MGAT4A: variants seen among roughly 807,000 people sequenced by gnomAD.
MGAT4A encodes the protein alpha-1,3-mannosyl-glycoprotein 4-beta-N-acetylglucosaminyltransferase A.
In MGAT4A, 33 loss-of-function variants were observed where a neutral mutation model predicts 74.1. That is an observed-to-expected ratio of 0.45 (90% CI 0.34 to 0.60). The LOEUF (loss-of-function observed/expected upper bound fraction) is 0.60. MGAT4A is among the 20% of genes least tolerant of loss of function. The pLI, the probability that MGAT4A is intolerant of heterozygous loss-of-function variation, is 0.02. For missense variants in MGAT4A, 479 were observed against 628.3 expected (o/e 0.76, Z 2.54); for synonymous variants, 198 against 210.4 (o/e 0.94, Z 0.51).
chr2:98,636,137 C>T (rs945254212), intron 13 of MGAT4A, among the ~76,000 whole-genome samples: 8 of 151,820 alleles, frequency 5.3e-5, no homozygotes, highest in Admixed American at 3.3e-4. Flanking sequence ...GGATTACAGG[C>T]GCATGCCACG....
At chr2:98,679,054 T>G (rs1019373651) in intron 2 of MGAT4A, among the ~76,000 whole-genome samples, 1 of 152,086 alleles carries the variant, frequency 6.6e-6, no homozygotes, top group Non-Finnish European at 1.5e-5. Flanking sequence ...GGCTCACACG[T>G]GTAATCCCAG....
chr2:98,655,556 C>A, intron 7 of MGAT4A, 36 bp from the exon 8 acceptor site: 1 of 1,425,932 alleles, frequency 7.0e-7, no homozygotes, highest in South Asian at 1.2e-5. Context: ...AGTTAGGAAT[C>A]AGACTCAAAT....
intron 7 of MGAT4A, 51 bp from the exon 8 acceptor site, chr2:98,655,571 T>TAA: frequency 8.0e-7 from 1 of 1,248,932 alleles, no homozygotes; most frequent in Non-Finnish European, 1.2e-6. Context: ...TCAAATTTAG[T>TAA]AAAATAAGAT....
rs193040909 is a variant in MGAT4A at position 98,665,496 on chromosome 2, C to T, written c.404-2317G>A. Among the ~76,000 whole-genome samples the T allele has an allele frequency of 3.8e-3, 585 of 152,268 alleles. 5 individuals carry two copies. Among genetic ancestry groups the T allele is most frequent in the African/African-American group, 0.013 (549 of 41,542 alleles). ...TCTTCCATTTTAGGCAAGAAGAGTT[C>T]TCAAGCACTCAAAAAGATATTTGCT... On this transcript the variant is annotated intron_variant, in intron 4 of 15. Transcript: ENST00000393487.
At chr2:98,654,563 T>C (rs1701631411) in intron 8 of MGAT4A, among the ~76,000 whole-genome samples, 1 of 151,778 alleles carries the variant, frequency 6.6e-6, no homozygotes, top group South Asian at 2.1e-4. Context: ...TACTGTAGTA[T>C]CAAAAAAGAT....
chr2:98,682,867 C>T (rs1702081073), intron 2 of MGAT4A, among the ~76,000 whole-genome samples: 1 of 152,044 alleles, frequency 6.6e-6, no homozygotes, highest in Non-Finnish European at 1.5e-5. Context: ...GGGTGGATCA[C>T]AAGGTCAGGA....
intron 3 of MGAT4A, among the ~76,000 whole-genome samples, chr2:98,675,866 T>C (rs971457014): frequency 1.3e-5 from 2 of 152,248 alleles, no homozygotes; most frequent in Non-Finnish European, 2.9e-5. Context: ...TCACTTTCTT[T>C]ATGCATTACA....
chr2:98,695,776 G>T (rs757135424), intron 2 of MGAT4A, among the ~76,000 whole-genome samples: 11 of 151,890 alleles, frequency 7.2e-5, no homozygotes, highest in Non-Finnish European at 1.0e-4. Context: ...ATTTGTATCT[G>T]GTATTTAATC....
chr2:98,688,163 A>G (rs948206672), intron 2 of MGAT4A, among the ~76,000 whole-genome samples: 1 of 152,098 alleles, frequency 6.6e-6, no homozygotes, highest in African/African-American at 2.4e-5. Flanking sequence ...GAAATCTTCT[A>G]TTTTTAAGGA....
intron 2 of MGAT4A, among the ~76,000 whole-genome samples, chr2:98,714,011 G>C (rs973252799): frequency 6.6e-6 from 1 of 152,222 alleles, no homozygotes; most frequent in Admixed American, 6.5e-5. Context: ...TTTCATTTGT[G>C]TATGGGTTAG....
At chr2:98,717,986 C>T (rs1490837112) in intron 2 of MGAT4A, among the ~76,000 whole-genome samples, 4 of 152,212 alleles carry the variant, frequency 2.6e-5, no homozygotes, top group African/African-American at 4.8e-5. Flanking sequence ...AAAAACAAAT[C>T]TAAAAACTTT....
chr2:98,625,796 G>T lies in MGAT4A; in HGVS notation c.1508C>A (p.Pro503Gln), dbSNP rs762174936. 2 of 1,611,694 alleles carry T rather than the reference G, an allele frequency of 1.2e-6. No individual in the cohort carries two copies. Among genetic ancestry groups the T allele is most frequent in the Non-Finnish European group, 1.7e-6 (2 of 1,178,422 alleles). ...AAAGGCTGAAATGGGATTGAGACTTGGATCCACCATTCCTTCTGCAACACC... is the reference window on the plus strand; with the variant it reads ...AAAGGCTGAAATGGGATTGAGACTTTGATCCACCATTCCTTCTGCAACACC... ...ENGVAEGMVD[P>Q]SLNPISAFRL... The change falls in exon 15 of 16, where the codon CCA becomes CAA. Residue 503 changes from proline to glutamine, a missense_variant. This residue lies in a region of MGAT4A where 236 missense variants were observed against 308.2 expected (regional missense o/e 0.77). Transcript: ENST00000393487.
At chr2:98,711,751 C>T (rs1702521642) in intron 2 of MGAT4A, among the ~76,000 whole-genome samples, 1 of 152,178 alleles carries the variant, frequency 6.6e-6, no homozygotes. Context: ...AATCCTCCTG[C>T]CTCAGCTTCC....
At chr2:98,636,168 T>G (rs937788335) in intron 13 of MGAT4A, among the ~76,000 whole-genome samples, 1 of 151,772 alleles carries the variant, frequency 6.6e-6, no homozygotes, top group African/African-American at 2.4e-5. Context: ...AATTTTTGTA[T>G]TTTTAGTAGA....
intron 2 of MGAT4A, among the ~76,000 whole-genome samples, chr2:98,721,232 T>A (rs867739136): frequency 2.0e-5 from 3 of 152,040 alleles, no homozygotes; most frequent in South Asian, 2.1e-4. Context: ...CATACCTAAA[T>A]AAACAAAAAC....
chr2:98,700,305 A>G lies in MGAT4A; in HGVS notation c.95-21834T>C, dbSNP rs184811255. ...TTGATTTTTTCCTTTAGTTGACTAT[A>G]TATATAATATATACTATATATAATA... is the stretch of plus-strand genomic sequence containing the variant. On this transcript the variant is annotated intron_variant, in intron 2 of 15. Transcript: ENST00000393487. 6.9e-4 allele frequency among the ~76,000 whole-genome samples: 103 copies of G among 148,512 alleles called. 1 individual carries two copies. Among genetic ancestry groups the G allele is most frequent in the Admixed American group, 6.4e-3 (95 of 14,822 alleles).
At chr2:98,631,805 G>A (rs938643435) in intron 14 of MGAT4A, among the ~76,000 whole-genome samples, 4 of 152,216 alleles carry the variant, frequency 2.6e-5, no homozygotes, top group African/African-American at 9.6e-5. Context: ...GATACAGAAA[G>A]CTTCTGTCCT....
At chr2:98,656,640 T>C (rs1701666003) in intron 6 of MGAT4A, among the ~76,000 whole-genome samples, 175 bp from the exon 7 acceptor site, 1 of 152,018 alleles carries the variant, frequency 6.6e-6, no homozygotes, top group African/African-American at 2.4e-5. Flanking sequence ...TTACAGAAAA[T>C]ACAGTTTTTT....
At position 98,640,108 on chromosome 2, in the gene MGAT4A, T is replaced by A. The variant is rs74450669; in HGVS notation, c.1128+13A>T. ...GTTGTATGTTCATGAGAAAATAAAA[T>A]TAAGTCACCAACCGTGAGTTTTTGG... On this transcript the variant is annotated intron_variant, in intron 11 of 15. Coordinates refer to ENST00000393487, the MANE Select transcript of MGAT4A (RefSeq NM_012214.3). 5.0e-3 allele frequency: 8,026 copies of A among 1,590,298 alleles called. 56 individuals are homozygous for A. The highest frequency in any genetic ancestry group is 0.026 in the Middle Eastern group (156 of 5,938).
Sources: allele counts gnomAD v4.1 joint callset (sites outside exome capture counted in the v4.1 genomes callset), GRCh38; gene constraint gnomAD v4.1.1; regional missense constraint gnomAD v4.1.1; transcripts MANE v1.5; gene names NCBI Gene and HGNC (gene_info 2026-07-23, HGNC 2026-07-21).